COX7B2: variants seen among roughly 807,000 people sequenced by gnomAD.
COX7B2 encodes cytochrome c oxidase subunit 7B2, mitochondrial.
For missense variants in COX7B2, 109 were observed against 95.9 expected (o/e 1.14, Z -0.57); for synonymous variants, 37 against 32.1 (o/e 1.15, Z -0.51).
At chr4:46,880,336 T>A (rs1387139444) in intron 1 of COX7B2, among the ~76,000 whole-genome samples, 1 of 151,928 alleles carries the variant, frequency 6.6e-6, no homozygotes, top group Non-Finnish European at 1.5e-5. Context: ...TTGGAATAGT[T>A]TTTGTAGGAA....
chr4:46,762,931 A>C (rs979546882), intron 2 of COX7B2, among the ~76,000 whole-genome samples: 5 of 134,852 alleles, frequency 3.7e-5, no homozygotes, highest in African/African-American at 1.4e-4. Context: ...TATACCACAT[A>C]TATATACCAC....
intron 2 of COX7B2, among the ~76,000 whole-genome samples, chr4:46,739,416 T>C (rs4389544): frequency 0.37 from 56,384 of 151,866 alleles, 10,993 homozygotes; most frequent in East Asian, 0.71. Context: ...TGGTTCACAG[T>C]ACTTTGCTAT....
intron 1 of COX7B2, among the ~76,000 whole-genome samples, chr4:46,896,099 CT>C (rs1719739635): frequency 6.6e-6 from 1 of 152,178 alleles, no homozygotes; most frequent in African/African-American, 2.4e-5. Flanking sequence ...TTTGCCTAGA[CT>C]TGTGTCACTG....
chr4:46,850,144 T>C lies in COX7B2; in HGVS notation c.-104-5130A>G, dbSNP rs546108111. On this transcript the variant is annotated intron_variant, in intron 1 of 2. Transcript: ENST00000355591. ...AATTGATTTAAAAATGAGATACTGATTTAAAAATGATTTAAAAATAATGAT... is the reference window on the plus strand; with the variant it reads ...AATTGATTTAAAAATGAGATACTGACTTAAAAATGATTTAAAAATAATGAT... Among the ~76,000 whole-genome samples the C allele has an allele frequency of 2.6e-4, 39 of 149,482 alleles. 1 individual carries two copies. Among genetic ancestry groups the C allele is most frequent in the Non-Finnish European group, 4.4e-4 (30 of 67,880 alleles).
At chr4:46,804,146 G>C (rs982045210) in intron 2 of COX7B2, among the ~76,000 whole-genome samples, 2 of 152,092 alleles carry the variant, frequency 1.3e-5, no homozygotes, top group African/African-American at 2.4e-5. Context: ...GTCTGGAGTT[G>C]TTGTTCCTCG....
At chr4:46,782,053 C>A (rs970293453) in intron 2 of COX7B2, among the ~76,000 whole-genome samples, 1 of 152,168 alleles carries the variant, frequency 6.6e-6, no homozygotes, top group Non-Finnish European at 1.5e-5. Flanking sequence ...GGGCACGTGG[C>A]GCGGACTGGT....
At position 46,798,852 on chromosome 4, in the gene COX7B2, C is replaced by T. The variant is rs555802947; in HGVS notation, c.-50+46108G>A. 3.9e-5 allele frequency among the ~76,000 whole-genome samples: 6 copies of T among 152,288 alleles called. No individual in the cohort carries two copies. In the East Asian group the frequency reaches 5.8e-4, roughly 15 times the overall value. ...ACATAAAGTAGTAGCCAAATGCCCA[C>T]GCCTGCTGCAATGCCTTTTCTCTCT... On this transcript the variant is annotated intron_variant, in intron 2 of 2. Coordinates refer to ENST00000355591, the MANE Select transcript of COX7B2 (RefSeq NM_130902.3).
chr4:46,816,380 T>C (rs918249860), intron 2 of COX7B2, among the ~76,000 whole-genome samples: 7 of 152,180 alleles, frequency 4.6e-5, no homozygotes, highest in Non-Finnish European at 8.8e-5. Context: ...CTATCTCTAA[T>C]GGCCACTAAA....
intron 2 of COX7B2, among the ~76,000 whole-genome samples, chr4:46,740,474 A>G (rs114409579): frequency 0.011 from 1,711 of 152,218 alleles, 20 homozygotes; most frequent in Middle Eastern, 0.037. Context: ...GTTATTTTGT[A>G]ATAAAATAAT....
rs543564803 is a variant in COX7B2 at position 46,864,806 on chromosome 4, G to A, written c.-104-19792C>T. On this transcript the variant is annotated intron_variant, in intron 1 of 2. Transcript: ENST00000355591. ...ACTACAGGCGCCGGCCACCACGCCC[G>A]GCTAATTTTTTGTATTTTTAATAGA... Among the ~76,000 whole-genome samples the A allele has an allele frequency of 7.2e-5, 11 of 152,080 alleles. No homozygotes were observed. In the East Asian group the frequency reaches 2.1e-3, roughly 29 times the overall value.
Position 46,797,033 on chromosome 4 carries a change from G to C in COX7B2, c.-50+47927C>G, listed in dbSNP as rs1485918187. On this transcript the variant is annotated intron_variant, in intron 2 of 2. Transcript: ENST00000355591. ...GGTGCAGCGCACAAGCATGGCACATGTATACATATGTAACTAACCTGCACA... is the reference window on the plus strand; with the variant it reads ...GGTGCAGCGCACAAGCATGGCACATCTATACATATGTAACTAACCTGCACA... Among the ~76,000 whole-genome samples, 7 of 83,362 alleles carry C rather than the reference G, an allele frequency of 8.4e-5. No homozygotes were observed. The Admixed American group carries it at 1.0e-3, about 12-fold the overall frequency. The allele number at this position is 83,362 out of a possible 152,430, so 54.7% of individuals were successfully genotyped here.
At chr4:46,775,803 C>G (rs987615900) in intron 2 of COX7B2, among the ~76,000 whole-genome samples, 8 of 151,916 alleles carry the variant, frequency 5.3e-5, no homozygotes, top group African/African-American at 1.5e-4. Flanking sequence ...TAAAGCTTAT[C>G]GTATCGTATA....
intron 2 of COX7B2, among the ~76,000 whole-genome samples, chr4:46,740,133 T>G (rs1413683056): frequency 6.6e-6 from 1 of 152,094 alleles, no homozygotes; most frequent in Non-Finnish European, 1.5e-5. Context: ...TATATAGCAA[T>G]TATTTGCCCT....
intron 1 of COX7B2, among the ~76,000 whole-genome samples, chr4:46,902,044 T>C (rs1230741369): frequency 6.6e-6 from 1 of 152,236 alleles, no homozygotes; most frequent in African/African-American, 2.4e-5. Flanking sequence ...CCTATATCTA[T>C]CTCTATATAT....
chr4:46,872,791 A>C (rs1299806889), intron 1 of COX7B2, among the ~76,000 whole-genome samples: 1 of 152,142 alleles, frequency 6.6e-6, no homozygotes, highest in Non-Finnish European at 1.5e-5. Context: ...AAATGGGGAT[A>C]ATTATGCTAA....
intron 1 of COX7B2, among the ~76,000 whole-genome samples, chr4:46,851,204 A>G (rs1453903540): frequency 1.3e-5 from 2 of 152,070 alleles, no homozygotes; most frequent in Admixed American, 6.6e-5. Context: ...CTTTGTCTTG[A>G]GATAACTTGA....
At chr4:46,789,620 T>C (rs1344351368) in intron 2 of COX7B2, among the ~76,000 whole-genome samples, 1 of 152,176 alleles carries the variant, frequency 6.6e-6, no homozygotes, top group Non-Finnish European at 1.5e-5. Flanking sequence ...ACACTTCAAC[T>C]GTTCCAAGTG....
intron 2 of COX7B2, among the ~76,000 whole-genome samples, chr4:46,777,949 T>G (rs1717248193): frequency 6.6e-6 from 1 of 152,126 alleles, no homozygotes. Context: ...AGGCATGGAT[T>G]TCCATCTTTT....
At chr4:46,879,186 GATC>G (rs1718547725) in intron 1 of COX7B2, among the ~76,000 whole-genome samples, 1 of 151,984 alleles carries the variant, frequency 6.6e-6, no homozygotes, top group Admixed American at 6.6e-5. Context: ...ACAATGGCAT[GATC>G]ATAGCTCACT....
Sources: allele counts gnomAD v4.1 joint callset (sites outside exome capture counted in the v4.1 genomes callset), GRCh38; gene constraint gnomAD v4.1.1; transcripts MANE v1.5; gene names NCBI Gene and HGNC (gene_info 2026-07-23, HGNC 2026-07-21).